Variants in OR5P3 observed in about 807,000 individuals in gnomAD.
The protein encoded by OR5P3 is olfactory receptor 5P3.
For synonymous variants in OR5P3, 172 were observed against 141.8 expected (o/e 1.21, Z -1.51); for missense variants, 415 against 375.6 (o/e 1.10, Z -0.87).
Position 7,825,779 on chromosome 11 carries a change from T to C in OR5P3, c.194A>G (p.His65Arg). Residue 65 changes from histidine to arginine, a missense_variant, in exon 2 of 2, where the codon CAT becomes CGT. By Grantham distance (29) the His-to-Arg change is conservative (BLOSUM62 0). Transcript: ENST00000641167. ...LHTPMYIFLC[H>R]LAFVDIGYSS... ...GTACCCAATGTCTACAAAGGCCAAA[T>C]GGCAGAGGAAAATGTACATGGGTGT... 8 of 1,613,200 alleles carry C rather than the reference T, an allele frequency of 5.0e-6. No individual in the cohort carries two copies. Among genetic ancestry groups the C allele is most frequent in the Non-Finnish European group, 5.9e-6 (7 of 1,180,012 alleles).
In OR5P3 at chr11:7,825,764, T is replaced by A. The variant is rs781009037; in HGVS notation, c.209A>T (p.Asp70Val). 2 of 1,613,272 alleles carry A rather than the reference T, an allele frequency of 1.2e-6. No homozygotes were observed. Among genetic ancestry groups the A allele is most frequent in the Non-Finnish European group, 1.7e-6 (2 of 1,180,018 alleles). Residue 70 changes from aspartate to valine, a missense_variant, in exon 2 of 2, where the codon GAC becomes GTC. By Grantham distance (152) the Asp-to-Val change is radical. Coordinates refer to ENST00000641167, the MANE Select transcript of OR5P3 (RefSeq NM_153445.2). ...YIFLCHLAFV[D>V]IGYSSSVTPV... ...TGTGACTGATGAGGAGTACCCAATG[T>A]CTACAAAGGCCAAATGGCAGAGGAA...
Position 7,825,407 on chromosome 11 carries a change from C to G in OR5P3, c.566G>C (p.Cys189Ser), listed in dbSNP as rs909072360. 3 of 1,613,166 alleles carry G rather than the reference C, an allele frequency of 1.9e-6. No individual in the cohort carries two copies. The highest frequency in any genetic ancestry group is 4.5e-5 in the East Asian group (2 of 44,880). The change falls in exon 2 of 2, where the codon TGT (cysteine) becomes TCT (serine). Residue 189 changes from cysteine to serine, a missense_variant. Cys to Ser is a moderately radical substitution (Grantham distance 112, BLOSUM62 -1). Coordinates refer to ENST00000641167, the MANE Select transcript of OR5P3 (RefSeq NM_153445.2). ...CDYSPLLKLA[C>S]SHDFTFEIIP... Reference sequence around the variant, plus strand: ...TATTTCAAAAGTAAAATCATGGGAACAAGCAAGCTTCAAAAGTGGTGAATA... The same window carrying G: ...TATTTCAAAAGTAAAATCATGGGAAGAAGCAAGCTTCAAAAGTGGTGAATA...
chr11:7,827,764 A>C (rs551880605), intron 1 of OR5P3, among the ~76,000 whole-genome samples: 7 of 152,354 alleles, frequency 4.6e-5, no homozygotes, highest in African/African-American at 1.7e-4. Context: ...GCTAATGTCT[A>C]AACTCTAACA....
At chr11:7,827,435 T>C (rs534522429) in intron 1 of OR5P3, among the ~76,000 whole-genome samples, 20 of 152,274 alleles carry the variant, frequency 1.3e-4, no homozygotes, top group Middle Eastern at 6.8e-3. Context: ...AGCTGAACAG[T>C]TGTGAGTGCC....
chr11:7,830,639 T>TA (rs1057183163), intron 1 of OR5P3, among the ~76,000 whole-genome samples, 185 bp downstream of exon 1: 3 of 152,222 alleles, frequency 2.0e-5, no homozygotes, highest in Middle Eastern at 3.4e-3. Flanking sequence ...GTTATTTGTT[T>TA]AAAAAAATAC....
chr11:7,827,672 C>A (rs1185347835), intron 1 of OR5P3, among the ~76,000 whole-genome samples: 1 of 151,998 alleles, frequency 6.6e-6, no homozygotes, highest in East Asian at 1.9e-4. Flanking sequence ...TGAAAACAAG[C>A]AGGAAAAACA....
chr11:7,827,706 G>A (rs1857760423), intron 1 of OR5P3, among the ~76,000 whole-genome samples: 1 of 152,136 alleles, frequency 6.6e-6, no homozygotes. Context: ...GTTACAGTTT[G>A]GGGTGCTTAA....
chr11:7,825,582 G>C lies in OR5P3; in HGVS notation c.391C>G (p.Leu131Val), dbSNP rs149500920. Residue 131 changes from leucine (L) to valine (V), a missense_variant, in exon 2 of 2, where the codon CTC becomes GTC. Coordinates refer to ENST00000641167, the MANE Select transcript of OR5P3 (RefSeq NM_153445.2). Reference sequence around the variant, plus strand: ...CCAGGGGACATGCAGGTAGAGTAGAGCAGGGGTGAGCAGATGGCCACATAG... The same window carrying C: ...CCAGGGGACATGCAGGTAGAGTAGACCAGGGGTGAGCAGATGGCCACATAG... The part of the protein sequence containing the change: ...DRYVAICSPL[L>V]YSTCMSPGVC... 3.7e-6 allele frequency: 6 copies of C among 1,613,012 alleles called. No homozygotes were observed.
At chr11:7,829,505 C>T (rs1200249627) in intron 1 of OR5P3, among the ~76,000 whole-genome samples, 1 of 152,034 alleles carries the variant, frequency 6.6e-6, no homozygotes, top group African/African-American at 2.4e-5. Context: ...GAATGGGCTG[C>T]AAATTGGTGA....
intron 1 of OR5P3, among the ~76,000 whole-genome samples, chr11:7,826,985 C>T (rs1857750325): frequency 6.6e-6 from 1 of 152,180 alleles, no homozygotes. Flanking sequence ...TTTCTCACAG[C>T]TTCAAAAGGT....
intron 1 of OR5P3, among the ~76,000 whole-genome samples, chr11:7,828,605 A>T (rs1352170610): frequency 1.3e-5 from 2 of 152,182 alleles, no homozygotes; most frequent in Admixed American, 1.3e-4. Context: ...CAATCCCAGT[A>T]TCTCACCCAA....
At position 7,824,968 on chromosome 11, in the gene OR5P3, C is replaced by T; in HGVS notation, c.*69G>A. The T allele has an allele frequency of 7.9e-7, 1 of 1,258,776 alleles. No individual in the cohort carries two copies. The highest frequency in any genetic ancestry group is 1.8e-5 in the South Asian group (1 of 54,188). The allele number at this position is 1,258,776 out of a possible 1,614,324, so 78.0% of individuals were successfully genotyped here. A position where few individuals can be genotyped will look rare whatever the true frequency, so the allele number is the denominator to read the frequency against. Reference sequence around the variant, plus strand: ...TGGACAGATAAATTTTGACCACAAACACTCGGTGTCTTATTATTATTATAT... The same window carrying T: ...TGGACAGATAAATTTTGACCACAAATACTCGGTGTCTTATTATTATTATAT... On this transcript the variant is annotated 3_prime_UTR_variant, in exon 2 of 2. Coordinates refer to ENST00000641167, the MANE Select transcript of OR5P3 (RefSeq NM_153445.2).
In OR5P3 at chr11:7,825,354, T is replaced by A. The variant is rs757373857; in HGVS notation, c.619A>T (p.Ile207Phe). ...GCTATGACACACACAGTGGCCACAA[T>A]GATAGATCCAGAAGAGATAGCTGGA... ...IIPAISSGSIIVATVCVIAIS... is the reference protein window; with the variant it reads ...IIPAISSGSIFVATVCVIAIS... Residue 207 changes from isoleucine to phenylalanine, a missense_variant, in exon 2 of 2, where the codon ATT (isoleucine) becomes TTT (phenylalanine). By Grantham distance (21) the Ile-to-Phe change is conservative. Transcript: ENST00000641167. The A allele has an allele frequency of 6.2e-7, 1 of 1,613,014 alleles. No homozygotes were observed.
intron 1 of OR5P3, among the ~76,000 whole-genome samples, chr11:7,829,195 G>A (rs1857780590): frequency 6.6e-6 from 1 of 152,076 alleles, no homozygotes; most frequent in South Asian, 2.1e-4. Context: ...TGCACCAAAG[G>A]GCATCAGCAA....
chr11:7,826,480 T>C (rs1419610450), intron 1 of OR5P3, among the ~76,000 whole-genome samples: 2 of 152,180 alleles, frequency 1.3e-5, no homozygotes, highest in Non-Finnish European at 2.9e-5. Flanking sequence ...ACAGATTAGC[T>C]GCATGCTAAT....
intron 1 of OR5P3, among the ~76,000 whole-genome samples, chr11:7,826,777 T>C (rs1857746986): frequency 2.0e-5 from 3 of 152,176 alleles, no homozygotes; most frequent in Admixed American, 1.3e-4. Flanking sequence ...AAGATACAAC[T>C]TATACCCAAG....
In OR5P3 at chr11:7,825,053, A is replaced by T; in HGVS notation, c.920T>A (p.Ile307Lys). 2 of 1,613,528 alleles carry T rather than the reference A, an allele frequency of 1.2e-6. No individual in the cohort carries two copies. Among genetic ancestry groups the T allele is most frequent in the Non-Finnish European group, 1.7e-6 (2 of 1,179,804 alleles). ...IKGALKRELRIKIFS is the reference protein window; with the variant it reads ...IKGALKRELRKKIFS ...CTAGTTTCATCAAGAAAATATTTTT[A>T]TTCTAAGCTCTCTCTTCAGAGCCCC... is the stretch of plus-strand genomic sequence containing the variant. The change falls in exon 2 of 2, where the codon ATA becomes AAA. Residue 307 changes from isoleucine to lysine, a missense_variant. Ile to Lys is a moderately radical substitution (Grantham distance 102). Transcript: ENST00000641167.
rs959009783 is a variant in OR5P3 at position 7,826,933 on chromosome 11, C to T, written c.-21-940G>A. 6.6e-5 allele frequency among the ~76,000 whole-genome samples: 10 copies of T among 152,272 alleles called. No individual in the cohort carries two copies. The East Asian group carries it at 1.7e-3, about 26-fold the overall frequency. On this transcript the variant is annotated intron_variant, in intron 1 of 1. Coordinates refer to ENST00000641167, the MANE Select transcript of OR5P3 (RefSeq NM_153445.2). Reference sequence around the variant, plus strand: ...TGGAAGGCCCTCCTCCATACCAACTCGCTTGAGAAAAATCAAGAAAATGCA... The same window carrying T: ...TGGAAGGCCCTCCTCCATACCAACTTGCTTGAGAAAAATCAAGAAAATGCA...
In OR5P3 at chr11:7,825,332, A is replaced by G; in HGVS notation, c.641T>C (p.Ile214Thr). 1.2e-6 allele frequency: 2 copies of G among 1,613,244 alleles called. No homozygotes were observed. Among genetic ancestry groups the G allele is most frequent in the Middle Eastern group, 1.6e-4 (1 of 6,062 alleles). Residue 214 changes from isoleucine (I) to threonine (T), a missense_variant, in exon 2 of 2, where the codon ATA becomes ACA. Coordinates refer to ENST00000641167, the MANE Select transcript of OR5P3 (RefSeq NM_153445.2). Reference sequence around the variant, plus strand: ...GAGGATATAGATGTAGGATATGGCTATGACACACACAGTGGCCACAATGAT... The same window carrying G: ...GAGGATATAGATGTAGGATATGGCTGTGACACACACAGTGGCCACAATGAT... ...GSIIVATVCV[I>T]AISYIYILIT...
Sources: gnomAD v4.1 joint callset for allele counts (sites outside exome capture counted in the v4.1 genomes callset) on GRCh38, gnomAD v4.1.1 for gene constraint, MANE v1.5 for transcripts, NCBI Gene and HGNC (gene_info 2026-07-23, HGNC 2026-07-21) for gene names.